The following SDK1 variants were observed in gnomAD, a reference collection of about 807,000 sequenced individuals.
The protein encoded by SDK1 is protein sidekick-1.
A neutral mutation model predicts 245.5 loss-of-function variants in SDK1; 157 were observed. That is an observed-to-expected ratio of 0.64 (90% CI 0.56 to 0.73). The LOEUF (loss-of-function observed/expected upper bound fraction) is 0.73. Among genes scored for constraint, SDK1 ranks in the 30% least tolerant of loss-of-function variants. The probability of loss-of-function intolerance (pLI) is 0.00; values close to 1 mark genes in which losing one functional copy is unlikely to be tolerated. For synonymous variants in SDK1, 1,647 were observed against 1,278.5 expected, an observed-to-expected ratio of 1.29 and a Z score of -6.15; for missense variants, 3,583 against 3,002.3, an observed-to-expected ratio of 1.19 and a Z score of -4.52.
At chr7:3,632,931 C>A (rs904727241) in intron 2 of SDK1, among the ~76,000 whole-genome samples, 1 of 152,020 alleles carries the variant, frequency 6.6e-6, no homozygotes, top group African/African-American at 2.4e-5. Context: ...TAGACTCATC[C>A]CACTTTGGAT....
Position 3,841,499 on chromosome 7 carries a change from C to G in SDK1, c.847+19916C>G, listed in dbSNP as rs62437952. 3.7e-3 allele frequency among the ~76,000 whole-genome samples: 558 copies of G among 152,310 alleles called. 4 individuals carry two copies. Among genetic ancestry groups the G allele is most frequent in the African/African-American group, 0.013 (541 of 41,550 alleles). On this transcript the variant is annotated intron_variant, in intron 5 of 44. Coordinates refer to ENST00000404826, the MANE Select transcript of SDK1 (RefSeq NM_152744.4). ...ATGAGTTTCTGGGCCCCAGTAGACA[C>G]TGAGCTCCAGGTGGCTAGAACCAGA...
intron 35 of SDK1, among the ~76,000 whole-genome samples, chr7:4,180,450 ACCCGGCTCCAGCTCTATGCCCTGTG>A (rs1782538687): frequency 1.0e-5 from 1 of 98,288 alleles, no homozygotes. Flanking sequence ...TATGCCCAGC[ACCCGGCTCCAGCTCTATGCCCTGTG>A]CCTGGCTCCA....
intron 18 of SDK1, among the ~76,000 whole-genome samples, chr7:4,050,319 G>A (rs1270264524): frequency 1.3e-5 from 2 of 152,200 alleles, no homozygotes; most frequent in East Asian, 3.9e-4. Context: ...AGAAGTAGCT[G>A]GAAATTTTCC....
intron 1 of SDK1, among the ~76,000 whole-genome samples, chr7:3,585,115 C>A (rs971304382): frequency 1.3e-5 from 2 of 152,128 alleles, no homozygotes; most frequent in Non-Finnish European, 2.9e-5. Flanking sequence ...TTTGTACTTC[C>A]GAAATAAAAC....
rs1240147100 is a variant in SDK1 at position 3,870,687 on chromosome 7, T to C, written c.847+49104T>C. The stretch of plus-strand genomic sequence containing the variant: ...AGTTTCCTGTAACATTAACTTTGTA[T>C]ATAACCATAATAAATTTATCAAAAT... On this transcript the variant is annotated intron_variant, in intron 5 of 44. Coordinates refer to ENST00000404826, the MANE Select transcript of SDK1 (RefSeq NM_152744.4). 3.3e-5 allele frequency among the ~76,000 whole-genome samples: 5 copies of C among 152,362 alleles called. No homozygotes were observed. In the South Asian group the frequency reaches 1.0e-3, roughly 32 times the overall value.
chr7:3,805,349 T>G (rs2115040072), intron 4 of SDK1, among the ~76,000 whole-genome samples: 1 of 152,340 alleles, frequency 6.6e-6, no homozygotes, highest in Non-Finnish European at 1.5e-5. Flanking sequence ...ACTTTTTCCT[T>G]TCTGACTTGA....
At chr7:3,774,991 C>A (rs1780511988) in intron 4 of SDK1, among the ~76,000 whole-genome samples, 2 of 152,238 alleles carry the variant, frequency 1.3e-5, no homozygotes, top group African/African-American at 4.8e-5. Flanking sequence ...CTGGGCAGTG[C>A]CCCAGGGAAC....
At chr7:3,390,423 C>A (rs1438386064) in intron 1 of SDK1, among the ~76,000 whole-genome samples, 1 of 152,146 alleles carries the variant, frequency 6.6e-6, no homozygotes, top group African/African-American at 2.4e-5. Flanking sequence ...AACTGTGCAT[C>A]CTCTTATTGT....
intron 4 of SDK1, among the ~76,000 whole-genome samples, chr7:3,757,720 C>T (rs1779974072): frequency 6.6e-6 from 1 of 152,164 alleles, no homozygotes; most frequent in Non-Finnish European, 1.5e-5. Flanking sequence ...GCTCTTCCAA[C>T]CCCATTGCTG....
At chr7:3,635,113 C>T (rs573650926) in intron 2 of SDK1, among the ~76,000 whole-genome samples, 21 of 152,266 alleles carry the variant, frequency 1.4e-4, no homozygotes, top group South Asian at 4.1e-4. Context: ...TAATCAAAGC[C>T]GCACATACTC....
At chr7:3,626,879 T>C (rs1191165293) in intron 2 of SDK1, among the ~76,000 whole-genome samples, 1 of 151,954 alleles carries the variant, frequency 6.6e-6, no homozygotes, top group Non-Finnish European at 1.5e-5. Flanking sequence ...AAAAAACAAA[T>C]AGATGGCCAG....
chr7:3,315,592 G>T (rs1040621635), intron 1 of SDK1, among the ~76,000 whole-genome samples: 5 of 152,162 alleles, frequency 3.3e-5, no homozygotes, highest in African/African-American at 1.2e-4. Context: ...GATGCAGTGA[G>T]TATGATTAAG....
At chr7:4,199,299 G>C (rs1261542990) in intron 35 of SDK1, among the ~76,000 whole-genome samples, 1 of 152,114 alleles carries the variant, frequency 6.6e-6, no homozygotes, top group Non-Finnish European at 1.5e-5. Flanking sequence ...CACTGTACGG[G>C]CCAGGAAGCA....
intron 1 of SDK1, among the ~76,000 whole-genome samples, chr7:3,551,831 G>A (rs1779424862): frequency 6.6e-6 from 1 of 152,006 alleles, no homozygotes; most frequent in Admixed American, 6.5e-5. Context: ...ATGAGCCACT[G>A]CACCTGGCCT....
At position 3,789,760 on chromosome 7, in the gene SDK1, G is replaced by A. The variant is rs41892; in HGVS notation, c.714-31690G>A. Among the ~76,000 whole-genome samples the A allele has an allele frequency of 3.5e-3, 530 of 152,308 alleles. 3 individuals are homozygous for A. Among genetic ancestry groups the A allele is most frequent in the South Asian group, 0.016 (78 of 4,824 alleles). ...AGGGATTGGAGAGGAGGCAGCAGGA[G>A]GCTGTAGATGAGATGGCTTGTGAGA... On this transcript the variant is annotated intron_variant, in intron 4 of 44. Coordinates refer to ENST00000404826, the MANE Select transcript of SDK1 (RefSeq NM_152744.4).
intron 44 of SDK1, among the ~76,000 whole-genome samples, chr7:4,252,013 T>G (rs1406666973): frequency 6.6e-6 from 1 of 152,278 alleles, no homozygotes; most frequent in African/African-American, 2.4e-5. Flanking sequence ...AAACCAACCT[T>G]GCATTCCTGC....
intron 4 of SDK1, among the ~76,000 whole-genome samples, chr7:3,713,775 T>A (rs952928569): frequency 9.2e-5 from 14 of 152,200 alleles, no homozygotes; most frequent in East Asian, 3.8e-4. Flanking sequence ...AATATTTAAT[T>A]GATTAAATAC....
chr7:4,251,223 A>T (rs1303244547), intron 44 of SDK1, among the ~76,000 whole-genome samples: 1 of 152,172 alleles, frequency 6.6e-6, no homozygotes, highest in African/African-American at 2.4e-5. Flanking sequence ...TGTGTCTGGG[A>T]TCCCCAAGAG....
intron 4 of SDK1, among the ~76,000 whole-genome samples, chr7:3,685,114 C>G (rs1408916952): frequency 1.3e-5 from 2 of 151,906 alleles, no homozygotes; most frequent in Non-Finnish European, 2.9e-5. Context: ...GGTAAAAAGC[C>G]TAAACCTATA....
Sources: gnomAD v4.1 joint callset for allele counts (sites outside exome capture counted in the v4.1 genomes callset) on GRCh38, gnomAD v4.1.1 for gene constraint, MANE v1.5 for transcripts, NCBI Gene and HGNC (gene_info 2026-07-23, HGNC 2026-07-21) for gene names.